The following NKIRAS1 variants were observed in gnomAD, a reference collection of about 807,000 sequenced individuals.
NKIRAS1 encodes NF-kappa-B inhibitor-interacting Ras-like protein 1.
A neutral mutation model predicts 19.8 loss-of-function variants in NKIRAS1; 16 were observed. The ratio of observed to expected loss-of-function variants is 0.81; its 90% CI spans 0.55 to 1.23. The LOEUF (loss-of-function observed/expected upper bound fraction) is 1.23. NKIRAS1 is among the 50% of genes most tolerant of loss of function. The probability of loss-of-function intolerance (pLI) is 0.00; values close to 1 mark genes in which losing one functional copy is unlikely to be tolerated. For synonymous variants in NKIRAS1, 88 were observed against 79.0 expected (o/e 1.11, Z -0.61); for missense variants, 184 against 220.0 (o/e 0.84, Z 1.04).
chr3:23,919,533 T>C (rs1559512331), upstream of NKIRAS1: 3 of 1,507,526 alleles, frequency 2.0e-6, no homozygotes, highest in Middle Eastern at 2.4e-4. Flanking sequence ...TCATACTTAA[T>C]AAACAATTTA....
At chr3:23,916,517 GA>G in intron 1 of NKIRAS1, 1 of 152,394 alleles carries the variant, frequency 6.6e-6, no homozygotes, top group East Asian at 1.9e-4. Context: ...CCTTTTTTAG[GA>G]CAAAATCCCT....
chr3:23,945,358 C>A, intron 1 of NKIRAS1: 1 of 166,764 alleles, frequency 6.0e-6, no homozygotes, highest in Non-Finnish European at 1.3e-5. Flanking sequence ...TGTCAGGGAC[C>A]CAGCGAGGAG....
At chr3:23,914,983 A>G (rs190185349) in intron 1 of NKIRAS1, among the ~76,000 whole-genome samples, 17 of 152,288 alleles carry the variant, frequency 1.1e-4, no homozygotes, top group Admixed American at 3.3e-4. Flanking sequence ...CATTTTCATC[A>G]CTACTGAAGT....
At chr3:23,936,082 C>CAGAA (rs1705387597) in intron 1 of NKIRAS1, among the ~76,000 whole-genome samples, 1 of 63,908 alleles carries the variant, frequency 1.6e-5, no homozygotes, top group Non-Finnish European at 2.8e-5. Context: ...GACCCTGTCT[C>CAGAA]AAAAAAAAAA....
chr3:23,944,039 G>A (rs1403058696), intron 1 of NKIRAS1, among the ~76,000 whole-genome samples: 1 of 152,222 alleles, frequency 6.6e-6, no homozygotes, highest in Non-Finnish European at 1.5e-5. Context: ...GGGAACCAGA[G>A]CAGTAGCTGA....
At chr3:23,918,921 C>T (rs1426224357), upstream of NKIRAS1, 2 of 525,450 alleles carry the variant, frequency 3.8e-6, no homozygotes, top group Non-Finnish European at 3.3e-6. Flanking sequence ...TCCCCAAACC[C>T]TAAATTTTGT....
At chr3:23,935,891 G>A (rs1303602795) in intron 1 of NKIRAS1, among the ~76,000 whole-genome samples, 1 of 151,918 alleles carries the variant, frequency 6.6e-6, no homozygotes, top group African/African-American at 2.4e-5. Flanking sequence ...ACCAGCCCAG[G>A]CAACACAGCA....
Position 23,905,007 on chromosome 3 carries a change from T to C in NKIRAS1, c.95-3958A>G, listed in dbSNP as rs1165706679. Among the ~76,000 whole-genome samples, 5 of 152,132 alleles carry C rather than the reference T, an allele frequency of 3.3e-5. No homozygotes were observed. In the East Asian group the frequency reaches 9.6e-4, roughly 29 times the overall value. ...TGGATGAATCTTTTATTTTTTTTTC[T>C]AAATAGAGATGGGGTCTCCTGATGT... On this transcript the variant is annotated intron_variant, in intron 3 of 4. Coordinates refer to ENST00000425478, the MANE Select transcript of NKIRAS1 (RefSeq NM_020345.4).
intron 3 of NKIRAS1, among the ~76,000 whole-genome samples, chr3:23,909,052 G>A (rs1703373006): frequency 6.6e-6 from 1 of 152,016 alleles, no homozygotes; most frequent in African/African-American, 2.4e-5. Context: ...ATAAACAGAA[G>A]TTGTTTGGGG....
chr3:23,938,209 C>CTTT (rs11418287), intron 1 of NKIRAS1, among the ~76,000 whole-genome samples: 22,493 of 137,424 alleles, frequency 0.16, 2,121 homozygotes, highest in Non-Finnish European at 0.21. Flanking sequence ...AGTACAGTAC[C>CTTT]TTTTTTTTTT....
intron 1 of NKIRAS1, among the ~76,000 whole-genome samples, chr3:23,912,970 G>A (rs1041806057): frequency 3.3e-5 from 5 of 150,390 alleles, no homozygotes; most frequent in African/African-American, 1.2e-4. Context: ...CAAAAAATTA[G>A]GTGGGGCTTG....
chr3:23,916,508 C>G (rs551077752), intron 1 of NKIRAS1: 1 of 152,442 alleles, frequency 6.6e-6, no homozygotes, highest in South Asian at 2.1e-4. Flanking sequence ...CTCCATGACC[C>G]TTTTTTAGGA....
intron 4 of NKIRAS1, among the ~76,000 whole-genome samples, chr3:23,896,682 A>G (rs9842907): frequency 0.78 from 117,462 of 151,482 alleles, 46,517 homozygotes; most frequent in African/African-American, 0.93. Flanking sequence ...AAAAAAAAAC[A>G]GGGGTGGGTG....
chr3:23,940,643 T>C (rs912948447), intron 1 of NKIRAS1, among the ~76,000 whole-genome samples: 6 of 152,218 alleles, frequency 3.9e-5, no homozygotes, highest in Non-Finnish European at 8.8e-5. Context: ...AGACATAATT[T>C]ACATAGTGAT....
In NKIRAS1 at chr3:23,926,960, C is replaced by T. The variant is rs1671182844; in HGVS notation, c.-139-15510G>A. Among the ~76,000 whole-genome samples the T allele has an allele frequency of 6.6e-6, 1 of 152,108 alleles. No individual in the cohort carries two copies. The highest frequency in any genetic ancestry group is 6.6e-5 in the Admixed American group (1 of 15,264). ...ATGCACCAACAAGCTACACTTTGACCATCAGCTGCCCCAAACAGGATGAAA... is the reference window on the plus strand; with the variant it reads ...ATGCACCAACAAGCTACACTTTGACTATCAGCTGCCCCAAACAGGATGAAA... On this transcript the variant is annotated intron_variant, in intron 1 of 4. Transcript: ENST00000421515. This position sits in a 1 kb window ranked among gnomAD's most constrained non-coding sequence, Gnocchi z 4.3.
At chr3:23,907,777 G>A (rs1703219508) in intron 3 of NKIRAS1, among the ~76,000 whole-genome samples, 1 of 152,090 alleles carries the variant, frequency 6.6e-6, no homozygotes, top group Non-Finnish European at 1.5e-5. Flanking sequence ...CTCAAGCCTT[G>A]AGTATATATC....
chr3:23,918,705 T>A, upstream of NKIRAS1: 1 of 1,129,266 alleles, frequency 8.9e-7, no homozygotes, highest in South Asian at 1.5e-5. Flanking sequence ...TGATTTTTAC[T>A]AATCTTGGTG....
At chr3:23,908,988 G>A (rs1181457546) in intron 3 of NKIRAS1, among the ~76,000 whole-genome samples, 20 of 151,534 alleles carry the variant, frequency 1.3e-4, no homozygotes, top group Admixed American at 1.2e-3. Context: ...GAGCCATCAC[G>A]CCTGGCCACG....
At chr3:23,918,370 G>A, upstream of NKIRAS1, 1 of 1,528,402 alleles carries the variant, frequency 6.5e-7, no homozygotes, top group Admixed American at 2.1e-5. Context: ...GAGTATTAGT[G>A]ACAAGCCATT....
Sources: allele counts gnomAD v4.1 joint callset (sites outside exome capture counted in the v4.1 genomes callset), GRCh38; gene constraint gnomAD v4.1.1; non-coding constraint Gnocchi (gnomAD v3.1); transcripts MANE v1.5; gene names NCBI Gene and HGNC (gene_info 2026-07-23, HGNC 2026-07-21).